The following WDR70 variants were observed in gnomAD, a reference collection of about 807,000 sequenced individuals.
The protein encoded by WDR70 is WD repeat domain 70.
Under a neutral mutation model 88.6 loss-of-function variants are expected in WDR70, and 53 were observed. The ratio of observed to expected loss-of-function variants is 0.60; its 90% CI spans 0.48 to 0.75. The LOEUF (loss-of-function observed/expected upper bound fraction) is 0.75, where lower values mean the gene tolerates loss of function less well. WDR70 is among the 30% of genes least tolerant of loss of function. The pLI is 0.00. For missense variants in WDR70, 610 were observed against 823.2 expected (o/e 0.74, Z 3.17); for synonymous variants, 280 against 270.0 (o/e 1.04, Z -0.36).
At chr5:37,556,118 C>T (rs1742288157) in intron 9 of WDR70, among the ~76,000 whole-genome samples, 1 of 145,722 alleles carries the variant, frequency 6.9e-6, no homozygotes, top group Admixed American at 7.3e-5. Context: ...CAACTAGTTC[C>T]ATATTTTGGA....
intron 10 of WDR70, among the ~76,000 whole-genome samples, chr5:37,605,797 C>T (rs1744016775): frequency 6.6e-6 from 1 of 152,038 alleles, no homozygotes; most frequent in Non-Finnish European, 1.5e-5. Context: ...ATGATAGAAT[C>T]CATATAAATA....
intron 10 of WDR70, among the ~76,000 whole-genome samples, chr5:37,686,498 C>T (rs957410172): frequency 4.0e-5 from 6 of 151,318 alleles, no homozygotes; most frequent in African/African-American, 9.7e-5. Context: ...AGAGCCTAGG[C>T]GGGAAGATCG....
intron 9 of WDR70, among the ~76,000 whole-genome samples, chr5:37,564,432 C>T (rs1742670402): frequency 6.6e-6 from 1 of 152,020 alleles, no homozygotes; most frequent in Non-Finnish European, 1.5e-5. Context: ...CAGGCTGAGG[C>T]AGGAGAATCA....
chr5:37,563,919 T>G (rs1742644105), intron 9 of WDR70, among the ~76,000 whole-genome samples: 1 of 137,744 alleles, frequency 7.3e-6, no homozygotes, highest in Non-Finnish European at 1.6e-5. Context: ...GCTCCTCACA[T>G]CCCAGACGGG....
At chr5:37,545,606 C>T (rs1741966790) in intron 9 of WDR70, among the ~76,000 whole-genome samples, 1 of 151,532 alleles carries the variant, frequency 6.6e-6, no homozygotes, top group Non-Finnish European at 1.5e-5. Context: ...GATCTCAGCT[C>T]CCTGCAACCT....
At chr5:37,580,481 C>A (rs1461630703) in intron 9 of WDR70, among the ~76,000 whole-genome samples, 1 of 152,152 alleles carries the variant, frequency 6.6e-6, no homozygotes, top group Non-Finnish European at 1.5e-5. Context: ...GCAATTAAAC[C>A]CATTACTGTG....
At chr5:37,426,972 C>T (rs928680752) in intron 5 of WDR70, among the ~76,000 whole-genome samples, 5 of 152,134 alleles carry the variant, frequency 3.3e-5, no homozygotes, top group South Asian at 4.2e-4. Flanking sequence ...GATGGGGTTT[C>T]GCTGTATTGC....
intron 10 of WDR70, among the ~76,000 whole-genome samples, chr5:37,691,191 A>G (rs1382577426): frequency 1.3e-5 from 2 of 152,236 alleles, no homozygotes; most frequent in African/African-American, 4.8e-5. Context: ...TATGCACCCA[A>G]TACAGGAGCA....
intron 10 of WDR70, among the ~76,000 whole-genome samples, chr5:37,636,887 A>G (rs1744981163): frequency 6.6e-6 from 1 of 152,198 alleles, no homozygotes; most frequent in Non-Finnish European, 1.5e-5. Flanking sequence ...TGAAATTGGA[A>G]TGAGGTCTGT....
Position 37,449,206 on chromosome 5 carries a change from G to T in WDR70, c.686+5834G>T, listed in dbSNP as rs181668687. Among the ~76,000 whole-genome samples the T allele has an allele frequency of 9.2e-3, 1,408 of 152,242 alleles. 74 individuals are homozygous for T. Among genetic ancestry groups the T allele is most frequent in the Admixed American group, 0.085 (1,297 of 15,286 alleles). On this transcript the variant is annotated intron_variant, in intron 7 of 17. Transcript: ENST00000265107. The stretch of plus-strand genomic sequence containing the variant: ...TGTTGCTCAGCTTGTTTCAACTGTG[G>T]TGATTGGGAGCTCTTTTAGTTTGGT...
At position 37,586,497 on chromosome 5, in the gene WDR70, T is replaced by A. The variant is rs567826280; in HGVS notation, c.918-18567T>A. On this transcript the variant is annotated intron_variant, in intron 9 of 17. Transcript: ENST00000265107. Reference sequence around the variant, plus strand: ...AATAGGTATATACGTGCCATGGTGGTTTGCTGCACCCATCAACCCGTCACC... The same window carrying A: ...AATAGGTATATACGTGCCATGGTGGATTGCTGCACCCATCAACCCGTCACC... 5.9e-5 allele frequency among the ~76,000 whole-genome samples: 9 copies of A among 152,178 alleles called. No individual in the cohort carries two copies. In the South Asian group the frequency reaches 1.7e-3, roughly 28 times the overall value.
At chr5:37,706,997 G>C (rs1005313317) in intron 13 of WDR70, among the ~76,000 whole-genome samples, 2 of 151,978 alleles carry the variant, frequency 1.3e-5, no homozygotes, top group African/African-American at 4.8e-5. Context: ...ATACAACTTG[G>C]TGATGACATG....
chr5:37,415,387 C>G (rs1408398056), intron 5 of WDR70, among the ~76,000 whole-genome samples: 7 of 122,516 alleles, frequency 5.7e-5, no homozygotes, highest in Admixed American at 8.4e-5. Context: ...ACCTCCCGGA[C>G]GGGGCGGCTG....
intron 10 of WDR70, among the ~76,000 whole-genome samples, chr5:37,686,439 A>G (rs1746601994): frequency 6.6e-6 from 1 of 152,046 alleles, no homozygotes; most frequent in East Asian, 2.0e-4. Flanking sequence ...ACCCATGAGT[A>G]GTTGTTAGAA....
intron 10 of WDR70, among the ~76,000 whole-genome samples, chr5:37,689,616 G>A (rs979817819): frequency 2.6e-5 from 4 of 152,202 alleles, no homozygotes; most frequent in African/African-American, 9.6e-5. Flanking sequence ...GCAGCTGAGG[G>A]ACCTGACTGT....
At chr5:37,514,024 A>G (rs1338776111) in intron 8 of WDR70, among the ~76,000 whole-genome samples, 1 of 151,928 alleles carries the variant, frequency 6.6e-6, no homozygotes, top group Non-Finnish European at 1.5e-5. Context: ...TGATCAGTTT[A>G]TTTATTTTGA....
intron 8 of WDR70, among the ~76,000 whole-genome samples, chr5:37,485,241 A>G (rs961121364): frequency 2.0e-5 from 3 of 152,228 alleles, no homozygotes; most frequent in African/African-American, 7.2e-5. Context: ...ATTGTCTACG[A>G]AAATACAGTC....
intron 10 of WDR70, among the ~76,000 whole-genome samples, chr5:37,623,329 C>T (rs1744567814): frequency 6.6e-6 from 1 of 151,972 alleles, no homozygotes; most frequent in Non-Finnish European, 1.5e-5. Flanking sequence ...GGAGTGTGTT[C>T]TAAATATTGG....
chr5:37,644,479 G>C (rs1289812959), intron 10 of WDR70, among the ~76,000 whole-genome samples: 2 of 151,850 alleles, frequency 1.3e-5, no homozygotes, highest in African/African-American at 4.8e-5. Context: ...TTGGTATCAG[G>C]GTAATATTAG....
Sources: allele counts gnomAD v4.1 joint callset (sites outside exome capture counted in the v4.1 genomes callset), GRCh38; gene constraint gnomAD v4.1.1; transcripts MANE v1.5; gene names NCBI Gene and HGNC (gene_info 2026-07-23, HGNC 2026-07-21).